The following DYNC2LI1 variants were observed in gnomAD, a reference collection of about 807,000 sequenced individuals.
The protein encoded by DYNC2LI1 is cytoplasmic dynein 2 light intermediate chain 1.
In DYNC2LI1, 45 loss-of-function variants were observed where a neutral mutation model predicts 51.9. That is an observed-to-expected ratio of 0.87 (90% CI 0.68 to 1.11). DYNC2LI1 has a LOEUF of 1.11. Ranked by LOEUF, DYNC2LI1 falls within the 50% of genes most tolerant of loss-of-function variation. The pLI is 0.00. For missense variants in DYNC2LI1, 490 were observed against 417.4 expected (o/e 1.17, Z -1.51); for synonymous variants, 130 against 137.8 (o/e 0.94, Z 0.40).
the DYNC2LI1 span, chr2:43,824,680 G>T: frequency 2.4e-5 from 23 of 968,244 alleles, no homozygotes; most frequent in African/African-American, 3.7e-4. Context: ...GTAGCAGTGC[G>T]CCAGTTTGTT....
At chr2:43,795,459 G>A (rs965155472) in intron 6 of DYNC2LI1, among the ~76,000 whole-genome samples, 69 of 151,930 alleles carry the variant, frequency 4.5e-4, no homozygotes, top group African/African-American at 1.5e-3. Context: ...AGCCGAGATC[G>A]CGCCACTACA....
downstream of DYNC2LI1, among the ~76,000 whole-genome samples, chr2:43,813,709 GTTTTTTTTT>G (rs1214033245): frequency 2.9e-5 from 1 of 34,070 alleles, no homozygotes; most frequent in African/African-American, 1.3e-4. Context: ...TTTTTTTTTC[GTTTTTTTTT>G]TTTTTTTTTT....
chr2:43,819,358 GA>G, the DYNC2LI1 span, among the ~76,000 whole-genome samples: 66 of 151,734 alleles, frequency 4.3e-4, no homozygotes, highest in African/African-American at 1.5e-3. Context: ...GAAATATGAA[GA>G]AAAAAATTAA....
intron 10 of DYNC2LI1, among the ~76,000 whole-genome samples, chr2:43,803,979 A>G (rs777150533): frequency 3.3e-5 from 5 of 152,198 alleles, no homozygotes; most frequent in Admixed American, 2.0e-4. Context: ...GTTCTTTCCA[A>G]TTTCCTATGC....
chr2:43,819,854 A>C, the DYNC2LI1 span: 1 of 1,559,012 alleles, frequency 6.4e-7, no homozygotes, highest in Non-Finnish European at 8.8e-7. Context: ...TTCAGTCATT[A>C]TTAGGTGATC....
chr2:43,803,061 T>C (rs1666127320), intron 10 of DYNC2LI1, among the ~76,000 whole-genome samples: 1 of 152,154 alleles, frequency 6.6e-6, no homozygotes, highest in African/African-American at 2.4e-5. Flanking sequence ...CTCTCATACA[T>C]TGGTGGTGGG....
chr2:43,792,958 A>C lies in DYNC2LI1; in HGVS notation c.321-1499A>C, dbSNP rs535247494. On this transcript the variant is annotated intron_variant, in intron 5 of 12. Coordinates refer to ENST00000260605, the MANE Select transcript of DYNC2LI1 (RefSeq NM_016008.4). The stretch of plus-strand genomic sequence containing the variant: ...GACTATTGTGAGTAATGCTGGTATG[A>C]ACATTGGTGTACATTATCTGTTTAA... The C allele has an allele frequency of 1.5e-4, 99 of 663,408 alleles. No individual in the cohort carries two copies. In the African/African-American group the frequency reaches 1.7e-3, roughly 12 times the overall value. 41.1% of individuals were successfully genotyped at this position (663,408 alleles called of 1,614,324 possible).
chr2:43,802,408 T>C (rs1392573361), intron 10 of DYNC2LI1, among the ~76,000 whole-genome samples: 2 of 151,550 alleles, frequency 1.3e-5, no homozygotes, highest in Non-Finnish European at 2.9e-5. Context: ...CCATCCTCTG[T>C]TAGTCTTACA....
intron 12 of DYNC2LI1, among the ~76,000 whole-genome samples, chr2:43,806,997 C>T (rs768716983): frequency 5.3e-5 from 8 of 152,190 alleles, no homozygotes; most frequent in Non-Finnish European, 7.3e-5. Flanking sequence ...ATTGCACACA[C>T]AGGACCTTAA....
intron 2 of DYNC2LI1, among the ~76,000 whole-genome samples, chr2:43,779,316 T>G (rs538450190): frequency 6.6e-6 from 1 of 152,194 alleles, no homozygotes; most frequent in Non-Finnish European, 1.5e-5. Flanking sequence ...AACATTATTT[T>G]GGAAGATAAA....
intron 6 of DYNC2LI1, 85 bp from the exon 7 acceptor site, chr2:43,795,805 G>C: frequency 9.9e-7 from 1 of 1,011,846 alleles, no homozygotes; most frequent in South Asian, 1.3e-5. Context: ...GACTGAAAAT[G>C]GAATGTTTTT....
At chr2:43,826,260 A>G in the DYNC2LI1 span, 47 of 1,482,394 alleles carry the variant, frequency 3.2e-5, no homozygotes, top group East Asian at 1.1e-3. Context: ...TCAGCCTCCC[A>G]AAGTGCTGGA....
At chr2:43,801,077 T>A (rs1206738762) in intron 9 of DYNC2LI1, among the ~76,000 whole-genome samples, 160 bp downstream of exon 9, 3 of 148,500 alleles carry the variant, frequency 2.0e-5, no homozygotes, top group African/African-American at 7.3e-5. Context: ...TATTATTATT[T>A]TATTTATTTT....
At chr2:43,802,310 C>G (rs1488295074) in intron 10 of DYNC2LI1, among the ~76,000 whole-genome samples, 1 of 151,778 alleles carries the variant, frequency 6.6e-6, no homozygotes, top group Non-Finnish European at 1.5e-5. Context: ...GATCTTTGAG[C>G]CTCGCACTTC....
At chr2:43,779,355 A>G (rs1244358006) in intron 2 of DYNC2LI1, among the ~76,000 whole-genome samples, 2 of 152,218 alleles carry the variant, frequency 1.3e-5, no homozygotes, top group African/African-American at 4.8e-5. Context: ...CTATTGTTCA[A>G]TTAATAGTAA....
chr2:43,795,185 A>T, intron 6 of DYNC2LI1: 1 of 990,032 alleles, frequency 1.0e-6, no homozygotes. Context: ...GAAAACTGAG[A>T]GCAGCATTTT....
intron 1 of DYNC2LI1, among the ~76,000 whole-genome samples, chr2:43,775,043 T>TA (rs113598342): frequency 0.43 from 65,479 of 152,032 alleles, 15,990 homozygotes; most frequent in African/African-American, 0.66. Context: ...TCTTGAATAG[T>TA]ATAATTACAA....
At chr2:43,786,006 C>A (rs540276665) in intron 3 of DYNC2LI1, among the ~76,000 whole-genome samples, 1 of 152,124 alleles carries the variant, frequency 6.6e-6, no homozygotes, top group African/African-American at 2.4e-5. Context: ...TATATATACA[C>A]CATAAAACTG....
At chr2:43,813,367 C>T, downstream of DYNC2LI1, 1 of 1,259,858 alleles carries the variant, frequency 7.9e-7, no homozygotes, top group Middle Eastern at 1.9e-4. Flanking sequence ...ATTTAATCAA[C>T]AAGTATTTAC....
Sources: allele counts gnomAD v4.1 joint callset (sites outside exome capture counted in the v4.1 genomes callset), GRCh38; gene constraint gnomAD v4.1.1; transcripts MANE v1.5; gene names NCBI Gene and HGNC (gene_info 2026-07-23, HGNC 2026-07-21).